Variants in KIRREL3 observed in about 807,000 individuals in gnomAD.
KIRREL3 encodes the protein kirre like nephrin family adhesion molecule 3.
A neutral mutation model predicts 89.7 loss-of-function variants in KIRREL3; 36 were observed. The observed-to-expected ratio is 0.40, with a 90% CI of 0.31 to 0.53. The LOEUF is 0.53. Ranked by LOEUF, KIRREL3 falls within the 20% of genes least tolerant of loss-of-function variation. The probability of loss-of-function intolerance (pLI) is 0.49; values close to 1 mark genes in which losing one functional copy is unlikely to be tolerated. For missense variants in KIRREL3, 864 were observed against 1,056.6 expected (o/e 0.82, Z 2.53); for synonymous variants, 445 against 441.4 (o/e 1.01, Z -0.10).
chr11:126,967,746 G>T (rs944778514), intron 1 of KIRREL3, among the ~76,000 whole-genome samples: 1 of 152,018 alleles, frequency 6.6e-6, no homozygotes, highest in Non-Finnish European at 1.5e-5. Context: ...AGGTGGGGGC[G>T]ATTTTCTCCC....
intron 2 of KIRREL3, among the ~76,000 whole-genome samples, chr11:126,548,858 G>A (rs746013909): frequency 5.9e-5 from 9 of 152,150 alleles, no homozygotes; most frequent in Non-Finnish European, 1.0e-4. Flanking sequence ...GGTCCTGGGA[G>A]CAACGAGATA....
At position 126,574,489 on chromosome 11, in the gene KIRREL3, A is replaced by G. The variant is rs1378893235; in HGVS notation, c.56-11577T>C. Among the ~76,000 whole-genome samples the G allele has an allele frequency of 3.3e-5, 5 of 152,190 alleles. No individual in the cohort carries two copies. Among genetic ancestry groups the G allele is most frequent in the Non-Finnish European group, 7.4e-5 (5 of 68,020 alleles). ...TCTGAGCCACCAGCCATCACTCAAT[A>G]AGAACATGAAAGTTTATTTACCACG... is the stretch of plus-strand genomic sequence containing the variant. On this transcript the variant is annotated intron_variant, in intron 1 of 16. Transcript: ENST00000525144. This position sits in a 1 kb window ranked among gnomAD's most constrained non-coding sequence, Gnocchi z 5.3.
At chr11:126,758,781 G>A (rs868604756) in intron 1 of KIRREL3, among the ~76,000 whole-genome samples, 2 of 152,156 alleles carry the variant, frequency 1.3e-5, no homozygotes, top group Non-Finnish European at 2.9e-5. Context: ...GCATAGCTGT[G>A]GCGCTAGATG....
chr11:126,580,496 C>G (rs112875023), intron 1 of KIRREL3, among the ~76,000 whole-genome samples: 1 of 152,074 alleles, frequency 6.6e-6, no homozygotes, highest in African/African-American at 2.4e-5. Context: ...GAAGGCAGGA[C>G]CTGTGCAGGG....
chr11:126,889,724 A>G (rs1319668539), intron 1 of KIRREL3, among the ~76,000 whole-genome samples: 2 of 152,230 alleles, frequency 1.3e-5, no homozygotes, highest in Non-Finnish European at 2.9e-5. Flanking sequence ...AGACAAGGAG[A>G]ACTCACAAAG....
chr11:126,836,422 A>C (rs139632315), intron 1 of KIRREL3, among the ~76,000 whole-genome samples: 211 of 152,320 alleles, frequency 1.4e-3, no homozygotes, highest in African/African-American at 5.0e-3. Flanking sequence ...AGGATTCTAA[A>C]GTATATGATA....
Position 126,696,260 on chromosome 11 carries a change from TAAA to T in KIRREL3, c.56-133351_56-133349del, listed in dbSNP as rs569075769. 3.8e-5 allele frequency among the ~76,000 whole-genome samples: 5 copies of T among 130,672 alleles called. No individual in the cohort carries two copies. The highest frequency in any genetic ancestry group is 2.8e-5 in the African/African-American group (1 of 35,372). The allele number at this position is 130,672 out of a possible 152,430, so 85.7% of individuals were successfully genotyped here. On this transcript the variant is annotated intron_variant, in intron 1 of 16. Transcript: ENST00000525144. This position sits in a 1 kb window ranked among gnomAD's most constrained non-coding sequence, Gnocchi z 4.4. ...CCACTGAGCGAGACTCTATCTCAAT[TAAA>T]AAAAAAAAAAAAAGCCTGGATGGCC...
chr11:126,449,447 T>G (rs1955942386), intron 7 of KIRREL3, among the ~76,000 whole-genome samples: 1 of 152,220 alleles, frequency 6.6e-6, no homozygotes, highest in African/African-American at 2.4e-5. Flanking sequence ...AGTTGATTAC[T>G]CGGCTGGTCA....
At chr11:126,499,869 C>T (rs183686687) in intron 4 of KIRREL3, among the ~76,000 whole-genome samples, 1 of 152,286 alleles carries the variant, frequency 6.6e-6, no homozygotes, top group East Asian at 1.9e-4. Flanking sequence ...TTTATCCTGC[C>T]TGGGATGGTA....
In KIRREL3 at chr11:126,969,669, G is replaced by C. The variant is rs1949375490; in HGVS notation, c.55+30786C>G. Among the ~76,000 whole-genome samples, 1 of 152,186 alleles carries C rather than the reference G, an allele frequency of 6.6e-6. No individual in the cohort carries two copies. Among genetic ancestry groups the C allele is most frequent in the Non-Finnish European group, 1.5e-5 (1 of 68,044 alleles). On this transcript the variant is annotated intron_variant, in intron 1 of 16. Transcript: ENST00000525144. This position sits in a 1 kb window ranked among gnomAD's most constrained non-coding sequence, Gnocchi z 4.9. ...AAGTGAAAAGGCTCGGGTGAACTGT[G>C]ATGGTAGCCATGATGCTTTTCCACG...
In KIRREL3 at chr11:126,729,076, G is replaced by A. The variant is rs1355393925; in HGVS notation, c.56-166164C>T. On this transcript the variant is annotated intron_variant, in intron 1 of 16. Coordinates refer to ENST00000525144, the MANE Select transcript of KIRREL3 (RefSeq NM_032531.4). The surrounding 1 kb of genome is among the most constrained non-coding windows in gnomAD (Gnocchi z 4.5). ...CCCTGGGGAGGGGCAGTACCCTCTA[G>A]GCCAGAAAACACAACTGGGCCATCT... Among the ~76,000 whole-genome samples the A allele has an allele frequency of 2.0e-5, 3 of 152,202 alleles. No homozygotes were observed. Among genetic ancestry groups the A allele is most frequent in the African/African-American group, 7.2e-5 (3 of 41,450 alleles).
chr11:126,987,005 G>A lies in KIRREL3; in HGVS notation c.55+13450C>T, dbSNP rs561443131. 6.6e-6 allele frequency among the ~76,000 whole-genome samples: 1 copy of A among 152,276 alleles called. No homozygotes were observed. The highest frequency in any genetic ancestry group is 2.1e-4 in the South Asian group (1 of 4,810). ...ACAGGCTGCTGGTCAAAACCCTTCT[G>A]ATGTAGAAGGTCTGGACTGGGGTCC... On this transcript the variant is annotated intron_variant, in intron 1 of 16. Coordinates refer to ENST00000525144, the MANE Select transcript of KIRREL3 (RefSeq NM_032531.4). This position sits in a 1 kb window ranked among gnomAD's most constrained non-coding sequence, Gnocchi z 4.6.
intron 1 of KIRREL3, among the ~76,000 whole-genome samples, chr11:126,889,416 T>C (rs1167079725): frequency 4.6e-5 from 7 of 152,246 alleles, no homozygotes; most frequent in Admixed American, 4.6e-4. Context: ...TCCTTTCTAC[T>C]GCTGAGGAAT....
chr11:126,869,059 A>T (rs187689202), intron 1 of KIRREL3, among the ~76,000 whole-genome samples: 5 of 152,212 alleles, frequency 3.3e-5, no homozygotes, highest in Middle Eastern at 3.4e-3. Flanking sequence ...CTAGGTTTCA[A>T]CATATGAATT....
intron 16 of KIRREL3, among the ~76,000 whole-genome samples, 198 bp from the exon 17 acceptor site, chr11:126,425,221 A>T (rs1332282232): frequency 2.0e-5 from 3 of 152,134 alleles, no homozygotes; most frequent in African/African-American, 7.2e-5. Flanking sequence ...TGAACAGGAG[A>T]TGGCAGAAGG....
In KIRREL3 at chr11:126,844,411, C is replaced by T. The variant is rs1944068296; in HGVS notation, c.55+156044G>A. On this transcript the variant is annotated intron_variant, in intron 1 of 16. Coordinates refer to ENST00000525144, the MANE Select transcript of KIRREL3 (RefSeq NM_032531.4). This position sits in a 1 kb window ranked among gnomAD's most constrained non-coding sequence, Gnocchi z 4.8. Reference sequence around the variant, plus strand: ...TCTTTCTGGCAAACCATGGAAGGGACGATACTGAGGAGACCTCCAACCCAA... The same window carrying T: ...TCTTTCTGGCAAACCATGGAAGGGATGATACTGAGGAGACCTCCAACCCAA... Among the ~76,000 whole-genome samples, 3 of 152,056 alleles carry T rather than the reference C, an allele frequency of 2.0e-5. No individual in the cohort carries two copies. The highest frequency in any genetic ancestry group is 1.9e-4 in the East Asian group (1 of 5,182).
chr11:126,639,112 G>A lies in KIRREL3; in HGVS notation c.56-76200C>T, dbSNP rs1000712440. The stretch of plus-strand genomic sequence containing the variant: ...TTCCAGTTTCTTCATGACTTGGCCA[G>A]CCCCCCAATCATCCCAAAGCCCAGT... On this transcript the variant is annotated intron_variant, in intron 1 of 16. Coordinates refer to ENST00000525144, the MANE Select transcript of KIRREL3 (RefSeq NM_032531.4). The surrounding 1 kb of genome is among the most constrained non-coding windows in gnomAD (Gnocchi z 4.3). Among the ~76,000 whole-genome samples the A allele has an allele frequency of 2.0e-5, 3 of 152,054 alleles. No individual in the cohort carries two copies. The highest frequency in any genetic ancestry group is 7.2e-5 in the African/African-American group (3 of 41,382).
intron 1 of KIRREL3, among the ~76,000 whole-genome samples, chr11:126,751,115 T>G (rs1485637467): frequency 6.6e-6 from 1 of 152,224 alleles, no homozygotes; most frequent in Non-Finnish European, 1.5e-5. Context: ...AAACTTCATG[T>G]CAACAGTATA....
Position 126,730,411 on chromosome 11 carries a change from T to C in KIRREL3, c.56-167499A>G, listed in dbSNP as rs117255619. Among the ~76,000 whole-genome samples, 809 of 152,342 alleles carry C rather than the reference T, an allele frequency of 5.3e-3. 7 individuals carry two copies. The highest frequency in any genetic ancestry group is 9.1e-3 in the Non-Finnish European group (617 of 68,028). ...CCTATACGTCTGGTCAATCATGCCT[T>C]CCTCTCAACCTGACTCCTACAGGTA... On this transcript the variant is annotated intron_variant, in intron 1 of 16. Transcript: ENST00000525144.
Sources: allele counts gnomAD v4.1 joint callset (sites outside exome capture counted in the v4.1 genomes callset), GRCh38; gene constraint gnomAD v4.1.1; non-coding constraint Gnocchi (gnomAD v3.1); transcripts MANE v1.5; gene names NCBI Gene and HGNC (gene_info 2026-07-23, HGNC 2026-07-21).